Variants in SH3RF1 observed in about 807,000 individuals in gnomAD.
SH3RF1 encodes the protein SH3 domain containing ring finger 1.
Under a neutral mutation model 74.0 loss-of-function variants are expected in SH3RF1, and 32 were observed. The observed-to-expected ratio is 0.43, with a 90% CI of 0.33 to 0.58. The LOEUF (loss-of-function observed/expected upper bound fraction) is 0.58, where lower values mean the gene tolerates loss of function less well. SH3RF1 is among the 20% of genes least tolerant of loss of function. The pLI, the probability that SH3RF1 is intolerant of heterozygous loss-of-function variation, is 0.05. For missense variants in SH3RF1, 954 were observed against 1,130.9 expected (o/e 0.84, Z 2.24); for synonymous variants, 396 against 439.6 (o/e 0.90, Z 1.24).
At chr4:169,222,574 A>G (rs1481765576) in intron 2 of SH3RF1, among the ~76,000 whole-genome samples, 1 of 151,112 alleles carries the variant, frequency 6.6e-6, no homozygotes, top group Non-Finnish European at 1.5e-5. Flanking sequence ...GAGGAATTTA[A>G]GATAATAGAA....
chr4:169,117,486 T>C (rs534983915), intron 9 of SH3RF1, 37 bp downstream of exon 9: 50 of 1,605,454 alleles, frequency 3.1e-5, no homozygotes, highest in Non-Finnish European at 3.6e-5. Flanking sequence ...AGGTAAGCCC[T>C]TTATCCTGAT....
chr4:169,234,138 T>TG (rs1409514882), intron 2 of SH3RF1, among the ~76,000 whole-genome samples: 3 of 152,120 alleles, frequency 2.0e-5, no homozygotes, highest in Non-Finnish European at 4.4e-5. Context: ...GGATCTCCAC[T>TG]GGGGGCAATT....
At chr4:169,160,389 C>T (rs1230742564) in intron 2 of SH3RF1, among the ~76,000 whole-genome samples, 1 of 152,190 alleles carries the variant, frequency 6.6e-6, no homozygotes, top group Non-Finnish European at 1.5e-5. Flanking sequence ...TTCCTAAAAT[C>T]ATCAAGGATT....
chr4:169,230,142 T>C (rs1331187591), intron 2 of SH3RF1, among the ~76,000 whole-genome samples: 1 of 152,214 alleles, frequency 6.6e-6, no homozygotes, highest in Non-Finnish European at 1.5e-5. Flanking sequence ...GGGCGGAGGC[T>C]GCAGTGAGCC....
chr4:169,253,060 A>T (rs1579164359), intron 2 of SH3RF1, among the ~76,000 whole-genome samples: 1 of 152,342 alleles, frequency 6.6e-6, no homozygotes, highest in Middle Eastern at 3.4e-3. Context: ...TTGCCTCTCA[A>T]GGAAAAGTTT....
chr4:169,103,701 A>C (rs1370772600), intron 11 of SH3RF1, among the ~76,000 whole-genome samples: 1 of 152,096 alleles, frequency 6.6e-6, no homozygotes, highest in Non-Finnish European at 1.5e-5. Context: ...TTTTACTGTG[A>C]GACAGATCTA....
Position 169,151,196 on chromosome 4 carries a change from G to A in SH3RF1, c.765+4284C>T, listed in dbSNP as rs1733970712. Among the ~76,000 whole-genome samples, 3 of 152,298 alleles carry A rather than the reference G, an allele frequency of 2.0e-5. No homozygotes were observed. The South Asian group carries it at 6.2e-4, about 32-fold the overall frequency. On this transcript the variant is annotated intron_variant, in intron 4 of 11. Transcript: ENST00000284637. ...GCTGTGCAAAGACCCTGCGGAACCG[G>A]CCCTTGGGAGTTTGAATTCTAATGG...
chr4:169,113,086 A>C (rs1215227497), intron 10 of SH3RF1, among the ~76,000 whole-genome samples: 2 of 151,900 alleles, frequency 1.3e-5, no homozygotes, highest in South Asian at 2.1e-4. Context: ...ACAGGCAAGG[A>C]AAGGCATGTG....
intron 4 of SH3RF1, among the ~76,000 whole-genome samples, chr4:169,150,478 C>G (rs553043711): frequency 3.3e-5 from 5 of 152,268 alleles, no homozygotes; most frequent in African/African-American, 1.2e-4. Flanking sequence ...AGATAGGTAT[C>G]ATTTTTTGTG....
rs184155305 is a variant in SH3RF1, at chr4:169,198,495, T to C, written c.394-41816A>G. Among the ~76,000 whole-genome samples the C allele has an allele frequency of 4.3e-3, 658 of 152,324 alleles. 5 individuals carry two copies. The highest frequency in any genetic ancestry group is 0.015 in the African/African-American group (613 of 41,572). On this transcript the variant is annotated intron_variant, in intron 2 of 11. Transcript: ENST00000284637. ...ATACTTGTTTTTGCTTTTTATATTATGCTAAATATAGTATATATGTATTAA... is the reference window on the plus strand; with the variant it reads ...ATACTTGTTTTTGCTTTTTATATTACGCTAAATATAGTATATATGTATTAA...
At chr4:169,113,277 A>G (rs1733271175) in intron 10 of SH3RF1, among the ~76,000 whole-genome samples, 1 of 151,890 alleles carries the variant, frequency 6.6e-6, no homozygotes, top group South Asian at 2.1e-4. Context: ...CACCCAGCTA[A>G]TTTTTGTATT....
At chr4:169,224,348 T>C (rs1251017650) in intron 2 of SH3RF1, among the ~76,000 whole-genome samples, 1 of 151,990 alleles carries the variant, frequency 6.6e-6, no homozygotes, top group Non-Finnish European at 1.5e-5. Context: ...AATGGAGTCT[T>C]GCTCTGTGGT....
At chr4:169,206,373 T>C (rs987401219) in intron 2 of SH3RF1, among the ~76,000 whole-genome samples, 1 of 151,746 alleles carries the variant, frequency 6.6e-6, no homozygotes, top group African/African-American at 2.4e-5. Flanking sequence ...TAGAGTCTAA[T>C]ATCCATTCAA....
intron 2 of SH3RF1, among the ~76,000 whole-genome samples, chr4:169,256,904 A>G (rs754666361): frequency 2.0e-5 from 3 of 152,222 alleles, no homozygotes; most frequent in Non-Finnish European, 4.4e-5. Context: ...CACTTGCCCC[A>G]GAGTTTATTT....
chr4:169,114,831 T>C (rs186859920), intron 10 of SH3RF1, among the ~76,000 whole-genome samples: 1 of 152,364 alleles, frequency 6.6e-6, no homozygotes, highest in Non-Finnish European at 1.5e-5. Context: ...TATTTCCTTA[T>C]AAACTGCTGT....
chr4:169,252,810 A>T (rs1029286539), intron 2 of SH3RF1, among the ~76,000 whole-genome samples: 6 of 152,244 alleles, frequency 3.9e-5, no homozygotes, highest in African/African-American at 1.4e-4. Context: ...TATATCACTG[A>T]ACATAAGGCA....
At chr4:169,218,437 A>G (rs1420076484) in intron 2 of SH3RF1, among the ~76,000 whole-genome samples, 1 of 143,096 alleles carries the variant, frequency 7.0e-6, no homozygotes, top group Non-Finnish European at 1.5e-5. Flanking sequence ...TAGAATATAG[A>G]ATATAATACA....
At chr4:169,177,990 C>T (rs1247555804) in intron 2 of SH3RF1, among the ~76,000 whole-genome samples, 2 of 151,936 alleles carry the variant, frequency 1.3e-5, no homozygotes, top group Non-Finnish European at 2.9e-5. Flanking sequence ...CACGGTGGCT[C>T]ATGCCTTTGG....
chr4:169,196,957 C>G, intron 2 of SH3RF1, among the ~76,000 whole-genome samples: 1 of 152,070 alleles, frequency 6.6e-6, no homozygotes, highest in East Asian at 1.9e-4. Context: ...AATAAAAAAG[C>G]ACTCAAAAAA....
Sources: allele counts gnomAD v4.1 joint callset (sites outside exome capture counted in the v4.1 genomes callset), GRCh38; gene constraint gnomAD v4.1.1; transcripts MANE v1.5; gene names NCBI Gene and HGNC (gene_info 2026-07-23, HGNC 2026-07-21).